RNF10: variants seen among roughly 807,000 people sequenced by gnomAD.
The protein encoded by RNF10 is E3 ubiquitin-protein ligase RNF10.
A neutral mutation model predicts 91.4 loss-of-function variants in RNF10; 38 were observed. The ratio of observed to expected loss-of-function variants is 0.42; its 90% CI spans 0.32 to 0.54. The LOEUF is 0.54. RNF10 is among the 20% of genes least tolerant of loss of function. RNF10 has a pLI of 0.16. For missense variants in RNF10, 945 were observed against 1,012.0 expected, an observed-to-expected ratio of 0.93 and a Z score of 0.90; for synonymous variants, 364 against 366.3, an observed-to-expected ratio of 0.99 and a Z score of 0.07.
rs931494013 is a variant in RNF10 at position 120,534,536 on chromosome 12, T to A, written c.-276T>A. The A allele has an allele frequency of 2.3e-6, 1 of 441,998 alleles. No individual in the cohort carries two copies. The highest frequency in any genetic ancestry group is 3.4e-6 in the Non-Finnish European group (1 of 296,180). 27.4% of individuals were successfully genotyped at this position (441,998 alleles called of 1,614,324 possible). On this transcript the variant is annotated 5_prime_UTR_variant, in exon 1 of 17. Coordinates refer to ENST00000325954, the MANE Select transcript of RNF10 (RefSeq NM_014868.5). ...CGGGGCTCGCGCAACCTCCCTCGCCTCCCCTTCCCCCGCAGCCTCCGCCCC... is the reference window on the plus strand; with the variant it reads ...CGGGGCTCGCGCAACCTCCCTCGCCACCCCTTCCCCCGCAGCCTCCGCCCC...
intron 1 of RNF10, among the ~76,000 whole-genome samples, chr12:120,541,435 T>C (rs1871544662): frequency 1.6e-5 from 2 of 121,798 alleles, no homozygotes; most frequent in African/African-American, 2.6e-5. Flanking sequence ...CCCTGAGTTT[T>C]CCTTTTTTTT....
intron 4 of RNF10, among the ~76,000 whole-genome samples, chr12:120,556,979 C>T (rs568766573): frequency 2.6e-5 from 4 of 151,222 alleles, no homozygotes; most frequent in African/African-American, 7.3e-5. Flanking sequence ...AGTGAAACCC[C>T]GTCTCTACTA....
In RNF10 at chr12:120,550,721, C is replaced by T. The variant is rs536357022; in HGVS notation, c.355-1778C>T. On this transcript the variant is annotated intron_variant, in intron 2 of 16. Transcript: ENST00000325954. ...ACGGCATTCTCCTGCCTCAGCCTCCCGAGTAGCTGGGACTATAGGTGCCCG... is the reference window on the plus strand; with the variant it reads ...ACGGCATTCTCCTGCCTCAGCCTCCTGAGTAGCTGGGACTATAGGTGCCCG... Among the ~76,000 whole-genome samples the T allele has an allele frequency of 2.6e-5, 4 of 151,774 alleles. 1 individual carries two copies. Among genetic ancestry groups the T allele is most frequent in the East Asian group, 3.9e-4 (2 of 5,160 alleles).
rs762027692 is a variant in RNF10 at position 120,563,376 on chromosome 12, TGAA to T, written c.1288_1290del (p.Glu430del). ...TGCTGGAGTATCTGTCTGCCTTCGA[TGAA>T]GAAACCACGGAAGTTTGTTCTCTGG... On this transcript the variant is annotated inframe_deletion, in exon 9 of 17. Transcript: ENST00000325954. 94 of 1,613,320 alleles carry T rather than the reference TGAA, an allele frequency of 5.8e-5. No homozygotes were observed. In the African/African-American group the frequency reaches 1.1e-3, roughly 19 times the overall value.
Position 120,575,835 on chromosome 12 carries a change from G to T in RNF10, c.2244G>T (p.Gly748=), listed in dbSNP as rs763923022. 1 of 1,614,060 alleles carries T rather than the reference G, an allele frequency of 6.2e-7. No homozygotes were observed. The highest frequency in any genetic ancestry group is 8.5e-7 in the Non-Finnish European group (1 of 1,180,036). The change falls in exon 16 of 17, where the codon GGG becomes GGT. Residue 748 remains glycine (G), a synonymous_variant. Transcript: ENST00000325954. The stretch of plus-strand genomic sequence containing the variant: ...CTCCTGCCCCTGTGGACAGCGACGG[G>T]GAGAGTGATAATTCAGACCGTGTTC... ...LVPPAPVDSD[G]ESDNSDRVPV...
At chr12:120,536,095 G>T (rs933286992) in intron 1 of RNF10, among the ~76,000 whole-genome samples, 1 of 152,100 alleles carries the variant, frequency 6.6e-6, no homozygotes, top group African/African-American at 2.4e-5. Context: ...AAATGTGGAG[G>T]TCCAGTTTAA....
chr12:120,540,649 A>G (rs1871411803), intron 1 of RNF10, among the ~76,000 whole-genome samples: 1 of 152,204 alleles, frequency 6.6e-6, no homozygotes, highest in African/African-American at 2.4e-5. Flanking sequence ...TCATACCCTT[A>G]GGTAACTGGA....
At chr12:120,548,440 A>C (rs1462173564) in intron 2 of RNF10, among the ~76,000 whole-genome samples, 2 of 152,194 alleles carry the variant, frequency 1.3e-5, no homozygotes, top group Non-Finnish European at 2.9e-5. Flanking sequence ...AAGGTGTTGC[A>C]GAAGGTGATC....
At chr12:120,553,114 C>T (rs559154863) in intron 3 of RNF10, among the ~76,000 whole-genome samples, 26 of 105,834 alleles carry the variant, frequency 2.5e-4, no homozygotes, top group South Asian at 3.4e-4. Flanking sequence ...GATGTAGTCT[C>T]GCTCTGCCAC....
chr12:120,564,067 C>T, intron 10 of RNF10, 124 bp downstream of exon 10: 5 of 1,059,398 alleles, frequency 4.7e-6, no homozygotes, highest in Non-Finnish European at 6.9e-6. Context: ...TTTAGTCTTT[C>T]TGTCAGTGAT....
chr12:120,563,119 AT>A (rs776585651), intron 8 of RNF10, 49 bp downstream of exon 8: 2 of 1,612,012 alleles, frequency 1.2e-6, no homozygotes, highest in African/African-American at 2.7e-5. Context: ...AAATGCTGTC[AT>A]TGAGCTGGTA....
chr12:120,544,288 C>T (rs188470768), intron 1 of RNF10, among the ~76,000 whole-genome samples: 3 of 147,832 alleles, frequency 2.0e-5, no homozygotes, highest in South Asian at 2.1e-4. Flanking sequence ...TTTGGAAGGC[C>T]GAGGCAGGAT....
chr12:120,568,915 C>T (rs1323247824), intron 13 of RNF10, among the ~76,000 whole-genome samples: 1 of 152,100 alleles, frequency 6.6e-6, no homozygotes, highest in Non-Finnish European at 1.5e-5. Context: ...AGCCACTGTA[C>T]CTGGCCAAGA....
At position 120,566,855 on chromosome 12, in the gene RNF10, T is replaced by G. The variant is rs763525880; in HGVS notation, c.1916T>G (p.Leu639Arg). The stretch of plus-strand genomic sequence containing the variant: ...GAAGTCCACATTCCCCTCGAGAATC[T>G]ACAGCAGTTTCCTGCCTTCAATTCT... ...YPEVHIPLENLQQFPAFNSYT... is the reference protein window; with the variant it reads ...YPEVHIPLENRQQFPAFNSYT... Residue 639 changes from leucine to arginine, a missense_variant, in exon 13 of 17, where the codon CTA becomes CGA. Coordinates refer to ENST00000325954, the MANE Select transcript of RNF10 (RefSeq NM_014868.5). 2.5e-6 allele frequency: 4 copies of G among 1,613,918 alleles called. No individual in the cohort carries two copies. The Admixed American group carries it at 6.7e-5, about 27-fold the overall frequency.
intron 1 of RNF10, among the ~76,000 whole-genome samples, chr12:120,539,923 C>T (rs1871317158): frequency 6.6e-6 from 1 of 151,760 alleles, no homozygotes; most frequent in South Asian, 2.1e-4. Context: ...TTAACCTCTG[C>T]CTTCCCGGTT....
intron 1 of RNF10, among the ~76,000 whole-genome samples, chr12:120,538,370 G>A (rs1260181543): frequency 2.0e-5 from 3 of 152,084 alleles, no homozygotes; most frequent in Non-Finnish European, 4.4e-5. Context: ...TCCAGTGGCT[G>A]GCTTAAATTT....
At chr12:120,550,843 G>A (rs1258636028) in intron 2 of RNF10, among the ~76,000 whole-genome samples, 5 of 151,924 alleles carry the variant, frequency 3.3e-5, no homozygotes, top group East Asian at 1.9e-4. Context: ...TGATCCGCCC[G>A]CCTCAGCCTC....
At chr12:120,557,705 A>T (rs1438450650) in intron 6 of RNF10, 23 bp downstream of exon 6, 1 of 1,613,324 alleles carries the variant, frequency 6.2e-7, no homozygotes, top group South Asian at 1.1e-5. Context: ...AATTTTGGGG[A>T]CAAATAATCC....
At chr12:120,537,596 C>T (rs766691991) in intron 1 of RNF10, among the ~76,000 whole-genome samples, 1 of 152,132 alleles carries the variant, frequency 6.6e-6, no homozygotes, top group Non-Finnish European at 1.5e-5. Flanking sequence ...CCATTGCACT[C>T]CAGCCCGTCT....
Sources: gnomAD v4.1 joint callset for allele counts (sites outside exome capture counted in the v4.1 genomes callset) on GRCh38, gnomAD v4.1.1 for gene constraint, MANE v1.5 for transcripts, NCBI Gene and HGNC (gene_info 2026-07-23, HGNC 2026-07-21) for gene names.